Variants in PARD3B observed in about 807,000 individuals in gnomAD.
The protein encoded by PARD3B is partitioning defective 3 homolog B.
In PARD3B, 103 loss-of-function variants were observed where a neutral mutation model predicts 130.2. The observed-to-expected ratio is 0.79, with a 90% CI of 0.67 to 0.93. The LOEUF is 0.93. Among genes scored for constraint, PARD3B ranks in the 40% least tolerant of loss-of-function variants. PARD3B has a pLI of 0.00. For missense variants in PARD3B, 1,609 were observed against 1,499.2 expected (o/e 1.07, Z -1.21); for synonymous variants, 583 against 553.2 (o/e 1.05, Z -0.76).
At position 205,421,298 on chromosome 2, in the gene PARD3B, C is replaced by T. The variant is rs561403587; in HGVS notation, c.2742-19072C>T. 1.8e-4 allele frequency among the ~76,000 whole-genome samples: 27 copies of T among 152,230 alleles called. No homozygotes were observed. Among genetic ancestry groups the T allele is most frequent in the Admixed American group, 1.2e-3 (18 of 15,294 alleles). ...TTCTTGCACTACAGATGTCAGCTGC[C>T]GGGACCAGTTTGTGTGGTGCTGTGC... On this transcript the variant is annotated intron_variant, in intron 19 of 22. Coordinates refer to ENST00000406610, the MANE Select transcript of PARD3B (RefSeq NM_001302769.2). The surrounding 1 kb of genome is among the most constrained non-coding windows in gnomAD (Gnocchi z 5.1).
chr2:204,843,133 C>T lies in PARD3B; in HGVS notation c.223-122019C>T, dbSNP rs1335637260. Among the ~76,000 whole-genome samples, 7 of 152,028 alleles carry T rather than the reference C, an allele frequency of 4.6e-5. No individual in the cohort carries two copies. In the South Asian group the frequency reaches 1.2e-3, roughly 27 times the overall value. On this transcript the variant is annotated intron_variant, in intron 2 of 22. Transcript: ENST00000406610. ...AGGTGAAGGTGATGCCGCTAAACCTCGGCCCATACTTTGAGAATTGTTACA... is the reference window on the plus strand; with the variant it reads ...AGGTGAAGGTGATGCCGCTAAACCTTGGCCCATACTTTGAGAATTGTTACA...
chr2:205,090,284 G>A (rs1055432634), intron 4 of PARD3B, among the ~76,000 whole-genome samples: 7 of 152,168 alleles, frequency 4.6e-5, no homozygotes, highest in Admixed American at 3.9e-4. Flanking sequence ...CCAAGGGAAG[G>A]TTTGATTAAA....
chr2:204,679,354 T>C (rs11897822), intron 1 of PARD3B, among the ~76,000 whole-genome samples: 16,184 of 152,244 alleles, frequency 0.11, 2,621 homozygotes, highest in African/African-American at 0.35. Context: ...TGCTGAGTTA[T>C]GTGTGATGTT....
chr2:205,124,208 G>T, intron 8 of PARD3B, 119 bp from the exon 9 acceptor site: 1 of 855,014 alleles, frequency 1.2e-6, no homozygotes, highest in Non-Finnish European at 1.7e-6. Flanking sequence ...AAATGTCCCA[G>T]AATGTAAATA....
chr2:205,158,227 G>T lies in PARD3B; in HGVS notation c.1435-495G>T, dbSNP rs1357582255. Among the ~76,000 whole-genome samples, 2 of 152,052 alleles carry T rather than the reference G, an allele frequency of 1.3e-5. No homozygotes were observed. The highest frequency in any genetic ancestry group is 2.9e-5 in the Non-Finnish European group (2 of 68,014). ...ATTAACAAACTTTACCAATAGTGTT[G>T]TTTCCATAGTAAATGATATGTTTTA... On this transcript the variant is annotated intron_variant, in intron 10 of 22. Coordinates refer to ENST00000406610, the MANE Select transcript of PARD3B (RefSeq NM_001302769.2). This position sits in a 1 kb window ranked among gnomAD's most constrained non-coding sequence, Gnocchi z 5.4.
rs886209734 is a variant in PARD3B, at chr2:204,677,597, C to T, written c.121-8584C>T. 6.6e-6 allele frequency among the ~76,000 whole-genome samples: 1 copy of T among 152,192 alleles called. No homozygotes were observed. The highest frequency in any genetic ancestry group is 1.5e-5 in the Non-Finnish European group (1 of 68,036). ...TGGTCTCTTCAAATCTGACAAAATACTCTAAATGTAGTGGGACCACTTTGG... is the reference window on the plus strand; with the variant it reads ...TGGTCTCTTCAAATCTGACAAAATATTCTAAATGTAGTGGGACCACTTTGG... On this transcript the variant is annotated intron_variant, in intron 1 of 22. Transcript: ENST00000406610. The surrounding 1 kb of genome is among the most constrained non-coding windows in gnomAD (Gnocchi z 4.1).
chr2:204,880,389 C>T (rs995720046), intron 2 of PARD3B, among the ~76,000 whole-genome samples: 3 of 152,032 alleles, frequency 2.0e-5, no homozygotes, highest in African/African-American at 4.8e-5. Flanking sequence ...TGGTCGAGCG[C>T]GGTGGCTCAT....
intron 15 of PARD3B, among the ~76,000 whole-genome samples, chr2:205,197,032 G>GGGTGT (rs1553636919): frequency 0.012 from 635 of 54,648 alleles, 6 homozygotes; most frequent in Middle Eastern, 0.029. Flanking sequence ...GTGGGGGGGG[G>GGGTGT]GTGTGTGTGT....
chr2:205,104,125 G>A (rs558667251), intron 4 of PARD3B, among the ~76,000 whole-genome samples: 76 of 152,124 alleles, frequency 5.0e-4, no homozygotes, highest in Middle Eastern at 3.4e-3. Flanking sequence ...TTCCTTTCTG[G>A]TTTAAAACAC....
intron 22 of PARD3B, among the ~76,000 whole-genome samples, chr2:205,557,701 C>T (rs1029299405): frequency 6.6e-6 from 1 of 152,116 alleles, no homozygotes; most frequent in Non-Finnish European, 1.5e-5. Flanking sequence ...AAACCCTCAG[C>T]GAAGAGCCTG....
Position 205,553,500 on chromosome 2 carries a change from A to C in PARD3B, c.3260+97A>C, listed in dbSNP as rs2052741187. ...AGAAATTCTGGCTTTGAAATAGGGA[A>C]TATGTTATAATTTTGCCTTGCTGCC... is the stretch of plus-strand genomic sequence containing the variant. On this transcript the variant is annotated intron_variant, in intron 22 of 22. Transcript: ENST00000406610. The C allele has an allele frequency of 3.2e-6, 4 of 1,253,468 alleles. No homozygotes were observed. In the Admixed American group the frequency reaches 8.0e-5, roughly 25 times the overall value. 77.6% of individuals were successfully genotyped at this position (1,253,468 alleles called of 1,614,324 possible).
intron 19 of PARD3B, among the ~76,000 whole-genome samples, chr2:205,403,544 A>G (rs1472613639): frequency 6.6e-6 from 1 of 152,176 alleles, no homozygotes; most frequent in Non-Finnish European, 1.5e-5. Flanking sequence ...CAACCACATG[A>G]TTTCTTGTAG....
chr2:205,251,744 G>T (rs1414630484), intron 16 of PARD3B, among the ~76,000 whole-genome samples: 1 of 151,902 alleles, frequency 6.6e-6, no homozygotes, highest in African/African-American at 2.4e-5. Flanking sequence ...GGTTATTATT[G>T]ATGAGGAGCT....
intron 2 of PARD3B, among the ~76,000 whole-genome samples, chr2:204,855,399 G>C (rs1201288918): frequency 6.6e-6 from 1 of 151,776 alleles, no homozygotes; most frequent in African/African-American, 2.4e-5. Flanking sequence ...AAAATTAGCT[G>C]GGTGTGGTAG....
At chr2:204,796,979 A>G (rs2042396322) in intron 2 of PARD3B, among the ~76,000 whole-genome samples, 1 of 152,228 alleles carries the variant, frequency 6.6e-6, no homozygotes, top group South Asian at 2.1e-4. Context: ...GTTCGAGACC[A>G]GCCTGGCCAA....
chr2:204,795,972 A>G (rs2042360591), intron 2 of PARD3B, among the ~76,000 whole-genome samples: 1 of 152,168 alleles, frequency 6.6e-6, no homozygotes, highest in Non-Finnish European at 1.5e-5. Flanking sequence ...TGTGATTGAG[A>G]TTTGTTTCCT....
intron 22 of PARD3B, among the ~76,000 whole-genome samples, chr2:205,567,747 C>G (rs909384125): frequency 1.3e-5 from 2 of 151,406 alleles, no homozygotes; most frequent in African/African-American, 4.9e-5. Flanking sequence ...TCTCCCCACC[C>G]CCGAGAAGAA....
At chr2:205,008,763 ATAT>A (rs962882629) in intron 3 of PARD3B, among the ~76,000 whole-genome samples, 4 of 152,230 alleles carry the variant, frequency 2.6e-5, no homozygotes, top group African/African-American at 9.6e-5. Flanking sequence ...GTTTATGATA[ATAT>A]TCTACATACA....
At chr2:204,914,233 T>G (rs1275052536) in intron 2 of PARD3B, among the ~76,000 whole-genome samples, 1 of 151,834 alleles carries the variant, frequency 6.6e-6, no homozygotes, top group Non-Finnish European at 1.5e-5. Flanking sequence ...TGATGAGTTG[T>G]TTTTTTTCCT....
Sources: allele counts gnomAD v4.1 joint callset (sites outside exome capture counted in the v4.1 genomes callset), GRCh38; gene constraint gnomAD v4.1.1; non-coding constraint Gnocchi (gnomAD v3.1); transcripts MANE v1.5; gene names NCBI Gene and HGNC (gene_info 2026-07-23, HGNC 2026-07-21).